The following DEPTOR variants were observed in gnomAD, a reference collection of about 807,000 sequenced individuals.
The protein encoded by DEPTOR is DEP domain containing MTOR interacting protein, also known as DEP domain-containing mTOR-interacting protein.
DEPTOR carries 41 observed loss-of-function variants against 41.6 expected under a neutral mutation model. The observed-to-expected ratio is 0.98, with a 90% CI of 0.77 to 1.28. DEPTOR has a LOEUF of 1.28. DEPTOR is among the 50% of genes most tolerant of loss of function. The probability of loss-of-function intolerance (pLI) is 0.00; values close to 1 mark genes in which losing one functional copy is unlikely to be tolerated. For synonymous variants in DEPTOR, 195 were observed against 192.3 expected, an observed-to-expected ratio of 1.01 and a Z score of -0.12; for missense variants, 514 against 527.9, an observed-to-expected ratio of 0.97 and a Z score of 0.26.
intron 8 of DEPTOR, among the ~76,000 whole-genome samples, chr8:120,019,277 C>G (rs1812660313): frequency 6.6e-6 from 1 of 151,968 alleles, no homozygotes. Flanking sequence ...TGCACTCCAG[C>G]CTGGGCAACA....
intron 1 of DEPTOR, among the ~76,000 whole-genome samples, chr8:119,917,842 A>G (rs970426941): frequency 3.3e-5 from 5 of 152,254 alleles, no homozygotes; most frequent in African/African-American, 7.2e-5. Context: ...ACCCGATTGT[A>G]TATTCCACCT....
At chr8:120,048,758 G>A (rs1586673830) in intron 8 of DEPTOR, among the ~76,000 whole-genome samples, 1 of 151,932 alleles carries the variant, frequency 6.6e-6, no homozygotes, top group African/African-American at 2.4e-5. Context: ...TTGCAAAGAG[G>A]TTTCAAATGC....
At chr8:119,975,381 G>C (rs1828684827) in intron 4 of DEPTOR, among the ~76,000 whole-genome samples, 1 of 152,058 alleles carries the variant, frequency 6.6e-6, no homozygotes, top group Non-Finnish European at 1.5e-5. Flanking sequence ...AGAAAAGTAA[G>C]GAAAACTTTG....
chr8:119,933,982 C>T (rs1353993760), intron 3 of DEPTOR, among the ~76,000 whole-genome samples: 3 of 152,270 alleles, frequency 2.0e-5, no homozygotes, highest in African/African-American at 7.2e-5. Flanking sequence ...TAGGTTCAAG[C>T]GATTCTCATG....
chr8:119,918,345 G>T (rs1474746558), intron 1 of DEPTOR, among the ~76,000 whole-genome samples: 1 of 152,176 alleles, frequency 6.6e-6, no homozygotes, highest in African/African-American at 2.4e-5. Context: ...TTAACTTGAC[G>T]TGAGTCCTGG....
At chr8:119,939,432 A>T (rs1828172857) in intron 3 of DEPTOR, among the ~76,000 whole-genome samples, 1 of 152,210 alleles carries the variant, frequency 6.6e-6, no homozygotes, top group African/African-American at 2.4e-5. Flanking sequence ...TGCATGTGTG[A>T]ACACAGAGCT....
At chr8:119,917,362 G>C (rs1465832952) in intron 1 of DEPTOR, among the ~76,000 whole-genome samples, 1 of 152,180 alleles carries the variant, frequency 6.6e-6, no homozygotes, top group Non-Finnish European at 1.5e-5. Flanking sequence ...GATTGTTACT[G>C]TGTCTGTGTA....
At chr8:120,016,949 T>C (rs1425910318) in intron 8 of DEPTOR, among the ~76,000 whole-genome samples, 1 of 152,160 alleles carries the variant, frequency 6.6e-6, no homozygotes, top group Admixed American at 6.5e-5. Context: ...AAACGTTCAG[T>C]CTGTAACACC....
chr8:119,904,040 C>A (rs762447777), intron 1 of DEPTOR, among the ~76,000 whole-genome samples: 1 of 152,110 alleles, frequency 6.6e-6, no homozygotes, highest in Non-Finnish European at 1.5e-5. Context: ...CAAAGTGCCT[C>A]TATCCCTCCA....
intron 8 of DEPTOR, among the ~76,000 whole-genome samples, chr8:120,034,427 CT>C (rs1438957588): frequency 7.3e-6 from 1 of 137,602 alleles, no homozygotes; most frequent in Admixed American, 7.7e-5. Flanking sequence ...CTTTTTTTTT[CT>C]TTTTTTTCCT....
chr8:119,883,473 T>TACA (rs1291036498), intron 1 of DEPTOR, among the ~76,000 whole-genome samples: 2 of 112,122 alleles, frequency 1.8e-5, no homozygotes, highest in Non-Finnish European at 3.5e-5. Flanking sequence ...AGACTCGTCT[T>TACA]AAAAAAAAAA....
chr8:119,945,885 A>T (rs1281518683), intron 3 of DEPTOR, among the ~76,000 whole-genome samples: 1 of 152,226 alleles, frequency 6.6e-6, no homozygotes, highest in African/African-American at 2.4e-5. Context: ...CTGAGAGAAG[A>T]GGCACGTATT....
intron 7 of DEPTOR, among the ~76,000 whole-genome samples, chr8:120,007,165 G>T (rs1053855109): frequency 6.6e-6 from 1 of 151,930 alleles, no homozygotes; most frequent in Non-Finnish European, 1.5e-5. Flanking sequence ...TTCAAGATTG[G>T]CATCATTTGC....
intron 1 of DEPTOR, among the ~76,000 whole-genome samples, chr8:119,876,413 G>A (rs768014697): frequency 2.2e-4 from 34 of 152,160 alleles, no homozygotes; most frequent in East Asian, 1.9e-4. Context: ...CAAGGCAGGC[G>A]GATCCCTTGA....
chr8:119,890,691 A>G (rs766030030), intron 1 of DEPTOR, among the ~76,000 whole-genome samples: 1 of 152,150 alleles, frequency 6.6e-6, no homozygotes, highest in Non-Finnish European at 1.5e-5. Flanking sequence ...TTATGCTTTT[A>G]TATGTACATT....
intron 8 of DEPTOR, among the ~76,000 whole-genome samples, chr8:120,029,898 G>A (rs1812859624): frequency 6.6e-6 from 1 of 152,138 alleles, no homozygotes; most frequent in South Asian, 2.1e-4. Context: ...CATAAGGGAG[G>A]CCCAGAGAGG....
chr8:119,881,957 C>T (rs555218532), intron 1 of DEPTOR, among the ~76,000 whole-genome samples: 1 of 152,266 alleles, frequency 6.6e-6, no homozygotes, highest in East Asian at 1.9e-4. Context: ...GTGGTGCAAT[C>T]GCGGCTCACT....
intron 7 of DEPTOR, among the ~76,000 whole-genome samples, chr8:120,008,296 G>A (rs1446921932): frequency 1.3e-5 from 2 of 152,074 alleles, no homozygotes; most frequent in Non-Finnish European, 2.9e-5. Flanking sequence ...TGGAGGCTGA[G>A]GCAGGTGGAT....
At chr8:119,988,732 C>G (rs1312921484) in intron 4 of DEPTOR, among the ~76,000 whole-genome samples, 1 of 152,292 alleles carries the variant, frequency 6.6e-6, no homozygotes, top group Non-Finnish European at 1.5e-5. Flanking sequence ...AACTGCCCGC[C>G]TCGGGTCCCC....
Sources: gnomAD v4.1 joint callset for allele counts (sites outside exome capture counted in the v4.1 genomes callset) on GRCh38, gnomAD v4.1.1 for gene constraint, MANE v1.5 for transcripts, NCBI Gene and HGNC (gene_info 2026-07-23, HGNC 2026-07-21) for gene names.